SLC9A4: variants seen among roughly 807,000 people sequenced by gnomAD.
The protein encoded by SLC9A4 is solute carrier family 9 member A4.
Under a neutral mutation model 67.4 loss-of-function variants are expected in SLC9A4, and 63 were observed. That is an observed-to-expected ratio of 0.93 (90% confidence interval 0.76 to 1.15). The LOEUF (loss-of-function observed/expected upper bound fraction) is 1.15, where lower values mean the gene tolerates loss of function less well. Among genes scored for constraint, SLC9A4 ranks in the 50% most tolerant of loss-of-function variants. The pLI, the probability that SLC9A4 is intolerant of heterozygous loss-of-function variation, is 0.00. For missense variants in SLC9A4, 1,089 were observed against 987.7 expected (o/e 1.10, Z -1.38); for synonymous variants, 393 against 367.2 (o/e 1.07, Z -0.80).
In SLC9A4 at chr2:102,473,624, C is replaced by T; in HGVS notation, c.-136C>T. The T allele has an allele frequency of 9.2e-7, 1 of 1,085,148 alleles. No individual in the cohort carries two copies. The highest frequency in any genetic ancestry group is 2.5e-5 in the East Asian group (1 of 40,108). The allele number at this position is 1,085,148 out of a possible 1,614,324, so 67.2% of individuals were successfully genotyped here. On this transcript the variant is annotated 5_prime_UTR_variant, in exon 1 of 12. Transcript: ENST00000295269. ...CAGAGCTCAATAACACACTCGGAAT[C>T]TTCTTGGGAGGACCCACAGACTGTA...
At chr2:102,489,599 A>G (rs550045782) in intron 2 of SLC9A4, among the ~76,000 whole-genome samples, 1 of 152,330 alleles carries the variant, frequency 6.6e-6, no homozygotes, top group Non-Finnish European at 1.5e-5. Context: ...TTATTGATAC[A>G]CATACTTTTT....
rs1039475388 is a variant in SLC9A4 at position 102,477,231 on chromosome 2, G to A, written c.257-1608G>A. 2.6e-5 allele frequency among the ~76,000 whole-genome samples: 4 copies of A among 152,154 alleles called. No individual in the cohort carries two copies. The East Asian group carries it at 7.7e-4, about 29-fold the overall frequency. The stretch of plus-strand genomic sequence containing the variant: ...CCAGTTCAAAGGTTGCTCCAGCCAG[G>A]TGGATCCCCTCAATGAATGTCAAAG... On this transcript the variant is annotated intron_variant, in intron 1 of 11. Coordinates refer to ENST00000295269, the MANE Select transcript of SLC9A4 (RefSeq NM_001011552.4).
intron 7 of SLC9A4, among the ~76,000 whole-genome samples, chr2:102,513,182 A>T (rs1198234259): frequency 6.6e-6 from 1 of 152,102 alleles, no homozygotes; most frequent in Non-Finnish European, 1.5e-5. Context: ...AAACTAGAAG[A>T]CAGAAGATCG....
At chr2:102,494,391 T>C (rs1265261259) in intron 2 of SLC9A4, among the ~76,000 whole-genome samples, 2 of 149,132 alleles carry the variant, frequency 1.3e-5, no homozygotes, top group Non-Finnish European at 1.5e-5. Context: ...AAGTATTCAA[T>C]AAATAAAAAT....
chr2:102,474,819 C>T (rs1351250094), intron 1 of SLC9A4, among the ~76,000 whole-genome samples: 1 of 152,170 alleles, frequency 6.6e-6, no homozygotes, highest in Non-Finnish European at 1.5e-5. Context: ...CCTCCTTTGC[C>T]TCAGCTATAA....
intron 6 of SLC9A4, among the ~76,000 whole-genome samples, chr2:102,509,976 G>T (rs546346686): frequency 5.3e-5 from 8 of 151,348 alleles, no homozygotes; most frequent in Admixed American, 4.6e-4. Flanking sequence ...CACCCTCTGG[G>T]TTCTCAATTT....
chr2:102,478,687 C>T (rs1401202829), intron 1 of SLC9A4, 152 bp from the exon 2 acceptor site: 13 of 725,088 alleles, frequency 1.8e-5, no homozygotes, highest in Non-Finnish European at 2.9e-5. Context: ...TGGCGACCCT[C>T]ATGACACTAC....
Position 102,526,334 on chromosome 2 carries a change from G to T in SLC9A4, c.2026G>T (p.Ala676Ser), listed in dbSNP as rs1674665329. 1.2e-6 allele frequency: 2 copies of T among 1,613,592 alleles called. No homozygotes were observed. The highest frequency in any genetic ancestry group is 1.7e-6 in the Non-Finnish European group (2 of 1,179,704). Reference sequence around the variant, plus strand: ...GTCTGCAGGAAGAGACACAAGGGCTGCTGGGTTCTCAGGTAAGCTGCCCAC... The same window carrying T: ...GTCTGCAGGAAGAGACACAAGGGCTTCTGGGTTCTCAGGTAAGCTGCCCAC... ...PQSAGRDTRA[A>S]GFSDDDSSDP... The change falls in exon 11 of 12, where the codon GCT becomes TCT. Residue 676 changes from alanine (A) to serine (S), a missense_variant. Transcript: ENST00000295269.
In SLC9A4 at chr2:102,533,271, T is replaced by A. The variant is rs137884772; in HGVS notation, c.*583T>A. On this transcript the variant is annotated 3_prime_UTR_variant, in exon 12 of 12. Transcript: ENST00000295269. ...TTATGAATTTGCTTTATTTAATCAG[T>A]AGCAATGATAGATGTGATGCATACT... The A allele has an allele frequency of 2.3e-4, 36 of 153,614 alleles. No homozygotes were observed. The highest frequency in any genetic ancestry group is 8.7e-4 in the African/African-American group (36 of 41,568). 9.5% of individuals were successfully genotyped at this position (153,614 alleles called of 1,614,324 possible).
intron 11 of SLC9A4, among the ~76,000 whole-genome samples, chr2:102,528,879 A>G (rs146815019): frequency 1.3e-3 from 201 of 152,330 alleles, no homozygotes; most frequent in African/African-American, 4.7e-3. Flanking sequence ...AGGAAGAAAT[A>G]GACAGGATAT....
chr2:102,485,845 C>T (rs745631870), intron 2 of SLC9A4, among the ~76,000 whole-genome samples: 1 of 152,164 alleles, frequency 6.6e-6, no homozygotes, highest in South Asian at 2.1e-4. Context: ...ACTGTCACCG[C>T]CAAACTTCAG....
At chr2:102,479,331 C>T in intron 2 of SLC9A4, 29 bp downstream of exon 2, 1 of 1,574,516 alleles carries the variant, frequency 6.4e-7, no homozygotes, top group Non-Finnish European at 8.6e-7. Flanking sequence ...GCCCGGCTTC[C>T]GGGGGAGATG....
rs752276532 is a variant in SLC9A4, at chr2:102,526,263, G to T, written c.1955G>T (p.Gly652Val). Residue 652 changes from glycine (G) to valine (V), a missense_variant, in exon 11 of 12, where the codon GGC (glycine) becomes GTC (valine). Transcript: ENST00000295269. ...GHSLPWGKPAGTKNIRYLSYP... is the reference protein window; with the variant it reads ...GHSLPWGKPAVTKNIRYLSYP... ...CTTTCTACTTGCTACCCACAGGCTG[G>T]CACCAAGAATATCCGCTACCTCTCC... 7 of 1,613,280 alleles carry T rather than the reference G, an allele frequency of 4.3e-6. No homozygotes were observed. In the East Asian group the frequency reaches 8.9e-5, roughly 21 times the overall value.
At chr2:102,515,388 G>T (rs1558670417) in intron 8 of SLC9A4, among the ~76,000 whole-genome samples, 5 of 148,300 alleles carry the variant, frequency 3.4e-5, no homozygotes, top group Admixed American at 1.3e-4. Flanking sequence ...AAGGCAGAAA[G>T]CTTTGTATTA....
chr2:102,531,456 A>T (rs1674777980), intron 11 of SLC9A4, among the ~76,000 whole-genome samples: 1 of 152,160 alleles, frequency 6.6e-6, no homozygotes, highest in Admixed American at 6.5e-5. Context: ...CTCCCCTCTC[A>T]TGAGGTAGCC....
chr2:102,506,136 C>T (rs1434656216), intron 4 of SLC9A4, among the ~76,000 whole-genome samples: 2 of 152,146 alleles, frequency 1.3e-5, no homozygotes, highest in African/African-American at 4.8e-5. Context: ...TGGCATCACA[C>T]CTGTAAAATG....
Position 102,532,329 on chromosome 2 carries a change from G to C in SLC9A4, c.2039-1G>C. ...CCCTTCTTGCCATGATGTTTTCCTA[G>C]ATGATGACAGCAGTGATCCAGGATC... On this transcript the variant is annotated splice_acceptor_variant, in intron 11 of 11. Transcript: ENST00000295269. LOFTEE classifies it high-confidence loss of function. 1.2e-6 allele frequency: 2 copies of C among 1,609,096 alleles called. No homozygotes were observed. Among genetic ancestry groups the C allele is most frequent in the Non-Finnish European group, 1.7e-6 (2 of 1,176,996 alleles).
At chr2:102,512,341 T>G in intron 7 of SLC9A4, 68 bp downstream of exon 7, 2 of 1,553,030 alleles carry the variant, frequency 1.3e-6, no homozygotes, top group Non-Finnish European at 1.8e-6. Flanking sequence ...GGGCATAAAA[T>G]CAGAGAGAAT....
chr2:102,478,732 AT>A (rs1684385613), intron 1 of SLC9A4, 106 bp from the exon 2 acceptor site: 1 of 1,090,344 alleles, frequency 9.2e-7, no homozygotes, highest in South Asian at 1.6e-5. Context: ...TGAGGCTGAG[AT>A]GCCAGTCAGC....
Sources: gnomAD v4.1 joint callset for allele counts (sites outside exome capture counted in the v4.1 genomes callset) on GRCh38, gnomAD v4.1.1 for gene constraint, MANE v1.5 for transcripts, NCBI Gene and HGNC (gene_info 2026-07-23, HGNC 2026-07-21) for gene names.